Variants in TRMT44 observed in about 807,000 individuals in gnomAD.
The protein encoded by TRMT44 is tRNA methyltransferase 44 homolog, also known as probable tRNA (uracil-O(2)-)-methyltransferase.
In TRMT44, 78 loss-of-function variants were observed where a neutral mutation model predicts 77.3. The ratio of observed to expected loss-of-function variants is 1.01; its 90% CI spans 0.84 to 1.22. The LOEUF (loss-of-function observed/expected upper bound fraction) is 1.22, where lower values mean the gene tolerates loss of function less well. Ranked by LOEUF, TRMT44 falls within the 50% of genes most tolerant of loss-of-function variation. TRMT44 has a pLI of 0.00. For synonymous variants in TRMT44, 391 were observed against 383.3 expected, an observed-to-expected ratio of 1.02 and a Z score of -0.23; for missense variants, 1,090 against 964.4, an observed-to-expected ratio of 1.13 and a Z score of -1.73.
chr4:8,446,987 G>C lies in TRMT44; in HGVS notation c.734+397G>C. The stretch of plus-strand genomic sequence containing the variant: ...TGCAACCTCTACCTCCTGCATTTAA[G>C]TGATTCTCGTGCCTCAGTCTGCACA... On this transcript the variant is annotated intron_variant, in intron 2 of 10. Coordinates refer to ENST00000389737, the MANE Select transcript of TRMT44 (RefSeq NM_152544.3). The surrounding 1 kb of genome is among the most constrained non-coding windows in gnomAD (Gnocchi z 4.3). 6.6e-6 allele frequency among the ~76,000 whole-genome samples: 1 copy of C among 152,196 alleles called. No homozygotes were observed. The highest frequency in any genetic ancestry group is 1.9e-4 in the East Asian group (1 of 5,202).
intron 6 of TRMT44, among the ~76,000 whole-genome samples, chr4:8,459,805 C>T (rs1167065534): frequency 1.3e-5 from 2 of 152,174 alleles, no homozygotes; most frequent in African/African-American, 4.8e-5. Flanking sequence ...GTGACAAGAG[C>T]CCCTGCCTTT....
chr4:8,465,285 C>A, intron 7 of TRMT44, 93 bp from the exon 8 acceptor site: 1 of 1,267,642 alleles, frequency 7.9e-7, no homozygotes, highest in Non-Finnish European at 1.1e-6. Flanking sequence ...CTATTTTGCC[C>A]TGATATGCGA....
Position 8,461,941 on chromosome 4 carries a change from C to T in TRMT44, c.1204-2044C>T, listed in dbSNP as rs1726180991. ...GTCAAAGGCCAGGCGTAGAATATAA[C>T]TTTTTTTCTTTCTTTCAAAAACCTC... On this transcript the variant is annotated intron_variant, in intron 6 of 10. Coordinates refer to ENST00000389737, the MANE Select transcript of TRMT44 (RefSeq NM_152544.3). The surrounding 1 kb of genome is among the most constrained non-coding windows in gnomAD (Gnocchi z 4.6). Among the ~76,000 whole-genome samples, 1 of 152,156 alleles carries T rather than the reference C, an allele frequency of 6.6e-6. No individual in the cohort carries two copies. Among genetic ancestry groups the T allele is most frequent in the African/African-American group, 2.4e-5 (1 of 41,432 alleles).
rs1291363807 is a variant in TRMT44, at chr4:8,446,757, G to A, written c.734+167G>A. Among the ~76,000 whole-genome samples, 4 of 152,106 alleles carry A rather than the reference G, an allele frequency of 2.6e-5. No homozygotes were observed. The East Asian group carries it at 7.7e-4, about 29-fold the overall frequency. On this transcript the variant is annotated intron_variant, in intron 2 of 10. Transcript: ENST00000389737. This position sits in a 1 kb window ranked among gnomAD's most constrained non-coding sequence, Gnocchi z 4.3. ...GTGCCCAGGCCATGTTGCTCTTCCT[G>A]TTGGTGCCTGGCCTCGAGTCTGGGT...
At chr4:8,502,407 T>A in the TRMT44 span, among the ~76,000 whole-genome samples, 2 of 152,214 alleles carry the variant, frequency 1.3e-5, no homozygotes. Context: ...TACAACGAAC[T>A]TAGTGGTTTC....
At chr4:8,475,545 C>A (rs973765855) in intron 10 of TRMT44, among the ~76,000 whole-genome samples, 1 of 152,198 alleles carries the variant, frequency 6.6e-6, no homozygotes, top group African/African-American at 2.4e-5. Flanking sequence ...CCGCTCACTT[C>A]CCGCAGGGCT....
the TRMT44 span, among the ~76,000 whole-genome samples, chr4:8,508,460 C>A: frequency 1.3e-5 from 2 of 152,198 alleles, no homozygotes; most frequent in Non-Finnish European, 1.5e-5. Context: ...CCCCAAGTGA[C>A]CCCCAGCCAG....
At chr4:8,469,163 T>C (rs1726808365) in intron 9 of TRMT44, among the ~76,000 whole-genome samples, 1 of 152,222 alleles carries the variant, frequency 6.6e-6, no homozygotes, top group Non-Finnish European at 1.5e-5. Flanking sequence ...GTACCATGTG[T>C]ACGTGGGATG....
intron 3 of TRMT44, among the ~76,000 whole-genome samples, chr4:8,450,583 T>C (rs1373434889): frequency 2.0e-5 from 3 of 152,284 alleles, no homozygotes; most frequent in Admixed American, 1.3e-4. Flanking sequence ...AAACTTTCTA[T>C]CTAAGATGTA....
chr4:8,496,295 A>T (rs750378899), downstream of TRMT44, among the ~76,000 whole-genome samples: 15 of 152,180 alleles, frequency 9.9e-5, no homozygotes, highest in African/African-American at 3.6e-4. Flanking sequence ...GATGTGTCCA[A>T]TTCTTTGTTC....
rs1353618993 is a variant in TRMT44, at chr4:8,462,653, C to T, written c.1204-1332C>T. On this transcript the variant is annotated intron_variant, in intron 6 of 10. Coordinates refer to ENST00000389737, the MANE Select transcript of TRMT44 (RefSeq NM_152544.3). ...CTGGGAAGCGGAGGTTGCAGTGAGC[C>T]GAGATCGCGCCACTGCACTCCAGCC... Among the ~76,000 whole-genome samples the T allele has an allele frequency of 4.6e-5, 7 of 152,230 alleles. No individual in the cohort carries two copies. In the South Asian group the frequency reaches 6.2e-4, roughly 14 times the overall value.
At chr4:8,503,578 A>G in the TRMT44 span, among the ~76,000 whole-genome samples, 3 of 152,332 alleles carry the variant, frequency 2.0e-5, 1 homozygote, top group African/African-American at 4.8e-5. Flanking sequence ...CTCCTGGGCC[A>G]CATACCTCAG....
rs1725462328 is a variant in TRMT44 at position 8,451,692 on chromosome 4, T to A, written c.955-268T>A. Among the ~76,000 whole-genome samples, 1 of 152,226 alleles carries A rather than the reference T, an allele frequency of 6.6e-6. No individual in the cohort carries two copies. The highest frequency in any genetic ancestry group is 6.5e-5 in the Admixed American group (1 of 15,286). On this transcript the variant is annotated intron_variant, in intron 3 of 10. Transcript: ENST00000389737. The surrounding 1 kb of genome is among the most constrained non-coding windows in gnomAD (Gnocchi z 4.1). ...ACAGTGTAGCTAAGTGTTTCCTCTG[T>A]GTCCACTGCCTCAGCTAAATGCCTT... is the stretch of plus-strand genomic sequence containing the variant.
intron 10 of TRMT44, among the ~76,000 whole-genome samples, chr4:8,474,651 G>T (rs138103523): frequency 6.6e-6 from 1 of 152,212 alleles, no homozygotes; most frequent in African/African-American, 2.4e-5. Context: ...TTTGGAAGTC[G>T]GTGAGCCAGA....
intron 6 of TRMT44, among the ~76,000 whole-genome samples, chr4:8,457,242 C>G (rs1432141275): frequency 6.6e-6 from 1 of 152,088 alleles, no homozygotes; most frequent in Non-Finnish European, 1.5e-5. Flanking sequence ...CAGGACTGCC[C>G]TTATCTGTAA....
intron 2 of TRMT44, among the ~76,000 whole-genome samples, chr4:8,484,562 G>A (rs376043481): frequency 6.6e-6 from 1 of 152,162 alleles, no homozygotes; most frequent in South Asian, 2.1e-4. Flanking sequence ...TACACGATGC[G>A]ATCCCGGTCC....
At chr4:8,462,099 T>C (rs1726192519) in intron 6 of TRMT44, among the ~76,000 whole-genome samples, 1 of 152,240 alleles carries the variant, frequency 6.6e-6, no homozygotes, top group Non-Finnish European at 1.5e-5. Flanking sequence ...GAATTTGCTG[T>C]GTTCAAAATG....
chr4:8,472,863 C>T (rs1727112142), intron 10 of TRMT44, among the ~76,000 whole-genome samples: 1 of 152,162 alleles, frequency 6.6e-6, no homozygotes. Flanking sequence ...GAATACTTCC[C>T]ACCTCCACGG....
rs1408311491 is a variant in TRMT44 at position 8,452,335 on chromosome 4, G to A, written c.1023+307G>A. On this transcript the variant is annotated intron_variant, in intron 4 of 10. Transcript: ENST00000389737. The surrounding 1 kb of genome is among the most constrained non-coding windows in gnomAD (Gnocchi z 5.7). ...AAGCACTGAGGAACACGTGTCTTCCGGCCCTGGCCTAGAACCTTCTAGCCC... is the reference window on the plus strand; with the variant it reads ...AAGCACTGAGGAACACGTGTCTTCCAGCCCTGGCCTAGAACCTTCTAGCCC... Among the ~76,000 whole-genome samples the A allele has an allele frequency of 2.0e-5, 3 of 152,216 alleles. No homozygotes were observed. The highest frequency in any genetic ancestry group is 4.4e-5 in the Non-Finnish European group (3 of 68,038).
Sources: allele counts gnomAD v4.1 joint callset (sites outside exome capture counted in the v4.1 genomes callset), GRCh38; gene constraint gnomAD v4.1.1; non-coding constraint Gnocchi (gnomAD v3.1); transcripts MANE v1.5; gene names NCBI Gene and HGNC (gene_info 2026-07-23, HGNC 2026-07-21).